NDUFAF7: variants seen among roughly 807,000 people sequenced by gnomAD.
NDUFAF7 encodes the protein protein arginine methyltransferase NDUFAF7, mitochondrial.
A neutral mutation model predicts 47.2 loss-of-function variants in NDUFAF7; 48 were observed. The ratio of observed to expected loss-of-function variants is 1.02; its 90% CI spans 0.81 to 1.29. NDUFAF7 has a LOEUF of 1.29. Among genes scored for constraint, NDUFAF7 ranks in the 50% most tolerant of loss-of-function variants. The pLI is 0.00. For synonymous variants in NDUFAF7, 217 were observed against 190.0 expected, an observed-to-expected ratio of 1.14 and a Z score of -1.17; for missense variants, 635 against 537.6, an observed-to-expected ratio of 1.18 and a Z score of -1.79.
intron 4 of NDUFAF7, among the ~76,000 whole-genome samples, chr2:37,239,155 G>A: frequency 9.0e-6 from 1 of 111,334 alleles, no homozygotes; most frequent in South Asian, 2.7e-4. Context: ...GTCTCACTTT[G>A]TCACTCAGGC....
At chr2:37,263,889 G>C in the NDUFAF7 span, among the ~76,000 whole-genome samples, 49,265 of 151,738 alleles carry the variant, frequency 0.32, 8,958 homozygotes, top group East Asian at 0.43. Flanking sequence ...TATAGCTTTG[G>C]GGTAGCTTCC....
the NDUFAF7 span, chr2:37,267,823 T>C: frequency 3.1e-6 from 1 of 326,976 alleles, no homozygotes; most frequent in South Asian, 3.5e-5. Flanking sequence ...TGATAGTTAA[T>C]TACCCTGACC....
At chr2:37,253,483 C>A, downstream of NDUFAF7, 1 of 625,988 alleles carries the variant, frequency 1.6e-6, no homozygotes, top group Non-Finnish European at 2.6e-6. Context: ...TCATAAGTAT[C>A]TACTATGTAC....
intron 4 of NDUFAF7, among the ~76,000 whole-genome samples, chr2:37,240,171 C>G (rs1250629588): frequency 2.0e-5 from 3 of 152,136 alleles, no homozygotes; most frequent in African/African-American, 7.2e-5. Flanking sequence ...TGGCCCATGC[C>G]TGTAATCGCA....
At chr2:37,258,943 C>T in the NDUFAF7 span, among the ~76,000 whole-genome samples, 1 of 151,948 alleles carries the variant, frequency 6.6e-6, no homozygotes, top group South Asian at 2.1e-4. Flanking sequence ...AAAATGGCTG[C>T]AGGGTACCAC....
At chr2:37,244,129 C>G (rs546996905) in intron 7 of NDUFAF7, among the ~76,000 whole-genome samples, 156 bp downstream of exon 7, 4 of 152,208 alleles carry the variant, frequency 2.6e-5, no homozygotes, top group Middle Eastern at 3.4e-3. Flanking sequence ...TGCAGAGGAG[C>G]TAGAGGCAGG....
chr2:37,257,282 G>C (rs1026680465), downstream of NDUFAF7, among the ~76,000 whole-genome samples: 3 of 152,142 alleles, frequency 2.0e-5, no homozygotes, highest in African/African-American at 7.2e-5. Context: ...TCCATCATCT[G>C]TGAGCAGGAA....
rs2041838 is a variant in NDUFAF7, at chr2:37,241,305, T to G, written c.409-273T>G. Among the ~76,000 whole-genome samples the G allele has an allele frequency of 0.11, 16,655 of 152,192 alleles. 1,297 individuals carry two copies. Among genetic ancestry groups the G allele is most frequent in the East Asian group, 0.34 (1,778 of 5,168 alleles). Reference sequence around the variant, plus strand: ...TTAGACTCCATAATCTGAATCATTGTTTTTATCAGATGCCAAATCTTTTAT... The same window carrying G: ...TTAGACTCCATAATCTGAATCATTGGTTTTATCAGATGCCAAATCTTTTAT... On this transcript the variant is annotated intron_variant, in intron 4 of 9. Coordinates refer to ENST00000002125, the MANE Select transcript of NDUFAF7 (RefSeq NM_144736.5).
chr2:37,237,926 G>A, intron 4 of NDUFAF7, 59 bp downstream of exon 4: 2 of 1,175,142 alleles, frequency 1.7e-6, no homozygotes, highest in Non-Finnish European at 2.5e-6. Flanking sequence ...ACTTCTGAGT[G>A]TGCAAACCAT....
downstream of NDUFAF7, among the ~76,000 whole-genome samples, chr2:37,250,277 A>AGAT (rs1230599143): frequency 6.6e-6 from 1 of 152,166 alleles, no homozygotes; most frequent in Non-Finnish European, 1.5e-5. Context: ...AATTTTTGAA[A>AGAT]GATGAGTTAA....
At chr2:37,231,931 C>A in intron 1 of NDUFAF7, 171 bp downstream of exon 1, 3 of 1,595,270 alleles carry the variant, frequency 1.9e-6, no homozygotes, top group South Asian at 1.1e-5. Context: ...GCTGCGTAGT[C>A]GTGGGCAAGT....
intron 8 of NDUFAF7, among the ~76,000 whole-genome samples, chr2:37,246,589 A>G (rs1041169945): frequency 3.9e-5 from 6 of 152,210 alleles, no homozygotes; most frequent in African/African-American, 1.4e-4. Context: ...AGCTTTTTCT[A>G]TCATATTTTC....
the NDUFAF7 span, chr2:37,267,902 G>A: frequency 1.5e-5 from 3 of 201,904 alleles, no homozygotes; most frequent in South Asian, 8.5e-5. Context: ...TAGATTCAAT[G>A]AGTCAGCACA....
intron 2 of NDUFAF7, among the ~76,000 whole-genome samples, chr2:37,235,261 A>G (rs1291549673): frequency 1.3e-5 from 2 of 151,014 alleles, no homozygotes; most frequent in Non-Finnish European, 3.0e-5. Flanking sequence ...GCTAATAAGA[A>G]AAAAAAAAAC....
chr2:37,263,136 T>G, the NDUFAF7 span, among the ~76,000 whole-genome samples: 1 of 152,218 alleles, frequency 6.6e-6, no homozygotes, highest in Admixed American at 6.5e-5. Context: ...CTTAATTCAC[T>G]TATTTTCATT....
rs373692768 is a variant in NDUFAF7 at position 37,234,028 on chromosome 2, C to T, written c.216+1762C>T. 6.2e-4 allele frequency among the ~76,000 whole-genome samples: 95 copies of T among 152,290 alleles called. 1 individual carries two copies. In the South Asian group the frequency reaches 0.017, roughly 27 times the overall value. ...GATCACAGGCATCTCAGGATTTCAT[C>T]GTGCTCATCCTTACTTCAAAATTTT... On this transcript the variant is annotated intron_variant, in intron 2 of 9. Coordinates refer to ENST00000002125, the MANE Select transcript of NDUFAF7 (RefSeq NM_144736.5).
chr2:37,243,696 A>G (rs1459320968), intron 6 of NDUFAF7, among the ~76,000 whole-genome samples, 167 bp from the exon 7 acceptor site: 1 of 152,080 alleles, frequency 6.6e-6, no homozygotes, highest in Admixed American at 6.6e-5. Flanking sequence ...CGATTGGTCT[A>G]CTCATTGTTC....
chr2:37,241,482 C>G (rs1472592685), intron 4 of NDUFAF7, 96 bp from the exon 5 acceptor site: 1 of 1,023,594 alleles, frequency 9.8e-7, no homozygotes, highest in Non-Finnish European at 1.5e-6. Flanking sequence ...GAAATATTAC[C>G]TCTATTGTGA....
chr2:37,255,392 A>C (rs1245145989), downstream of NDUFAF7, among the ~76,000 whole-genome samples: 3 of 152,166 alleles, frequency 2.0e-5, no homozygotes, highest in South Asian at 6.2e-4. Flanking sequence ...ATTAACTTCT[A>C]TGGGGCAGTT....
Sources: allele counts gnomAD v4.1 joint callset (sites outside exome capture counted in the v4.1 genomes callset), GRCh38; gene constraint gnomAD v4.1.1; transcripts MANE v1.5; gene names NCBI Gene and HGNC (gene_info 2026-07-23, HGNC 2026-07-21).